PFKFB3: variants seen among roughly 807,000 people sequenced by gnomAD.
PFKFB3 encodes the protein 6-phosphofructo-2-kinase/fructose-2,6-biphosphatase 3.
Under a neutral mutation model 68.0 loss-of-function variants are expected in PFKFB3, and 33 were observed. That is an observed-to-expected ratio of 0.49 (90% confidence interval 0.37 to 0.65). PFKFB3 has a LOEUF of 0.65. Among genes scored for constraint, PFKFB3 ranks in the 30% least tolerant of loss-of-function variants. The probability of loss-of-function intolerance (pLI) is 0.00; values close to 1 mark genes in which losing one functional copy is unlikely to be tolerated. For missense variants in PFKFB3, 586 were observed against 712.2 expected (o/e 0.82, Z 2.02); for synonymous variants, 315 against 288.2 (o/e 1.09, Z -0.94).
chr10:6,155,929 A>AG (rs1343701058), intron 1 of PFKFB3, among the ~76,000 whole-genome samples: 1 of 152,132 alleles, frequency 6.6e-6, no homozygotes, highest in Non-Finnish European at 1.5e-5. Context: ...TTTCTTTCTT[A>AG]AAATGTTTTT....
In PFKFB3 at chr10:6,177,359, T is replaced by TCTTC. The variant is rs1491344766; in HGVS notation, c.16+32349_16+32350insCCTT. Among the ~76,000 whole-genome samples, 6 of 74,088 alleles carry TCTTC rather than the reference T, an allele frequency of 8.1e-5. No individual in the cohort carries two copies. In the South Asian group the frequency reaches 1.7e-3, roughly 21 times the overall value. The allele number at this position is 74,088 out of a possible 152,430, so 48.6% of individuals were successfully genotyped here. A position where few individuals can be genotyped will look rare whatever the true frequency, so the allele number is the denominator to read the frequency against. The stretch of plus-strand genomic sequence containing the variant: ...TGGGATGTTTCTTTTCTTTTCTCTT[T>TCTTC]CTTTCTTTCTTTCTTTCTTTCTTTC... On this transcript the variant is annotated intron_variant, in intron 1 of 14. Transcript: ENST00000379789.
rs529069310 is a variant in PFKFB3 at position 6,182,491 on chromosome 10, G to C, written c.17-31132G>C. Among the ~76,000 whole-genome samples, 40 of 152,324 alleles carry C rather than the reference G, an allele frequency of 2.6e-4. No individual in the cohort carries two copies. In the South Asian group the frequency reaches 8.3e-3, roughly 32 times the overall value. ...CCGAGCTGGCTGGGGAGAATGAGGG[G>C]CCTTTGAAGTCCCAGGCCGATCCCT... On this transcript the variant is annotated intron_variant, in intron 1 of 14. Transcript: ENST00000379789.
upstream of PFKFB3, chr10:6,202,848 A>C (rs112157022): frequency 1.6e-3 from 1,658 of 1,016,360 alleles, 25 homozygotes; most frequent in African/African-American, 0.027. Context: ...CTGGGACCCA[A>C]GGAATGCGGC....
chr10:6,193,517 C>T (rs1207018708), intron 1 of PFKFB3, among the ~76,000 whole-genome samples: 1 of 152,222 alleles, frequency 6.6e-6, no homozygotes, highest in Non-Finnish European at 1.5e-5. Flanking sequence ...ACAGCTGTCC[C>T]TGTTTCTAAG....
At chr10:6,216,303 C>A in intron 4 of PFKFB3, 112 bp downstream of exon 4, 2 of 1,045,754 alleles carry the variant, frequency 1.9e-6, no homozygotes. Flanking sequence ...TGGAGGAAAG[C>A]AGGTGGCCAG....
At chr10:6,160,206 T>C (rs938297342) in intron 1 of PFKFB3, among the ~76,000 whole-genome samples, 3 of 152,324 alleles carry the variant, frequency 2.0e-5, no homozygotes, top group Middle Eastern at 3.4e-3. Flanking sequence ...GATGGGGGAA[T>C]ATACAAATAC....
intron 14 of PFKFB3, among the ~76,000 whole-genome samples, chr10:6,246,805 C>T (rs745818499): frequency 2.6e-5 from 4 of 152,152 alleles, no homozygotes; most frequent in Non-Finnish European, 4.4e-5. Flanking sequence ...CGTGCCTTCT[C>T]CTCTGCTTTT....
intron 1 of PFKFB3, among the ~76,000 whole-genome samples, chr10:6,149,152 G>A (rs1277176877): frequency 6.6e-6 from 1 of 152,202 alleles, no homozygotes; most frequent in Non-Finnish European, 1.5e-5. Flanking sequence ...GGCTCTAAGA[G>A]ACTGTGGTCT....
In PFKFB3 at chr10:6,150,114, T is replaced by A. The variant is rs374351545; in HGVS notation, c.16+5101T>A. Among the ~76,000 whole-genome samples, 67 of 152,316 alleles carry A rather than the reference T, an allele frequency of 4.4e-4. 2 individuals carry two copies. The South Asian group carries it at 0.013, about 31-fold the overall frequency. ...ACCTTTTCCATTGATTCTATGCACATAGCACCTCTTGCAGGCATATCTTGT... is the reference window on the plus strand; with the variant it reads ...ACCTTTTCCATTGATTCTATGCACAAAGCACCTCTTGCAGGCATATCTTGT... On this transcript the variant is annotated intron_variant, in intron 1 of 14. Transcript: ENST00000379789.
At chr10:6,291,301 C>T in the PFKFB3 span, among the ~76,000 whole-genome samples, 5 of 152,282 alleles carry the variant, frequency 3.3e-5, no homozygotes, top group East Asian at 7.7e-4. Flanking sequence ...CGTGGTGGCT[C>T]ATGCCTATAA....
At chr10:6,237,663 T>G (rs1846046928), downstream of PFKFB3, among the ~76,000 whole-genome samples, 1 of 152,116 alleles carries the variant, frequency 6.6e-6, no homozygotes, top group African/African-American at 2.4e-5. Context: ...TCTCCAGGGC[T>G]CAAGTCATCC....
chr10:6,231,544 A>G (rs1022616711), intron 14 of PFKFB3: 2 of 985,092 alleles, frequency 2.0e-6, no homozygotes, highest in African/African-American at 3.5e-5. Flanking sequence ...CAGGCTCTCC[A>G]CTGTTATTGT....
At chr10:6,321,840 A>T in the PFKFB3 span, among the ~76,000 whole-genome samples, 13 of 152,222 alleles carry the variant, frequency 8.5e-5, no homozygotes, top group African/African-American at 2.7e-4. Context: ...GCATCCTAGC[A>T]TCCAAGATGG....
the PFKFB3 span, among the ~76,000 whole-genome samples, chr10:6,303,113 A>G: frequency 6.6e-6 from 1 of 152,118 alleles, no homozygotes; most frequent in Non-Finnish European, 1.5e-5. Flanking sequence ...CTGTTTGTTT[A>G]TTACTTCATT....
chr10:6,321,249 C>T, the PFKFB3 span, among the ~76,000 whole-genome samples: 1 of 152,106 alleles, frequency 6.6e-6, no homozygotes. Flanking sequence ...TTGCAAAACC[C>T]CATGCTCCTT....
chr10:6,292,562 T>G, the PFKFB3 span, among the ~76,000 whole-genome samples: 1 of 151,892 alleles, frequency 6.6e-6, no homozygotes, highest in African/African-American at 2.4e-5. Context: ...GTGCTGGGAT[T>G]ACAGGCGTGA....
upstream of PFKFB3, among the ~76,000 whole-genome samples, chr10:6,198,201 G>C (rs868505120): frequency 2.0e-5 from 3 of 149,962 alleles, no homozygotes; most frequent in Middle Eastern, 6.9e-3. Context: ...AGCCGAGATG[G>C]TACCACTGCA....
In PFKFB3 at chr10:6,215,146, G is replaced by T; in HGVS notation, c.203-75G>T. On this transcript the variant is annotated intron_variant, in intron 2 of 14. Transcript: ENST00000379775. The surrounding 1 kb of genome is among the most constrained non-coding windows in gnomAD (Gnocchi z 4.3). Reference sequence around the variant, plus strand: ...TGGCCTGGTGGCTCTTCCTTTGGTCGATCCTATGGTCCCGGTGTGAGCTGG... The same window carrying T: ...TGGCCTGGTGGCTCTTCCTTTGGTCTATCCTATGGTCCCGGTGTGAGCTGG... 7.7e-7 allele frequency: 1 copy of T among 1,295,524 alleles called. No individual in the cohort carries two copies. Among genetic ancestry groups the T allele is most frequent in the South Asian group, 1.2e-5 (1 of 82,846 alleles). 80.3% of individuals were successfully genotyped at this position (1,295,524 alleles called of 1,614,324 possible). A position where few individuals can be genotyped will look rare whatever the true frequency, so the allele number is the denominator to read the frequency against.
intron 1 of PFKFB3, among the ~76,000 whole-genome samples, chr10:6,158,620 C>G (rs1841877244): frequency 6.6e-6 from 1 of 152,182 alleles, no homozygotes; most frequent in South Asian, 2.1e-4. Flanking sequence ...AATCCTAGCA[C>G]TTTGGGAGGC....
Sources: allele counts gnomAD v4.1 joint callset (sites outside exome capture counted in the v4.1 genomes callset), GRCh38; gene constraint gnomAD v4.1.1; non-coding constraint Gnocchi (gnomAD v3.1); transcripts MANE v1.5; gene names NCBI Gene and HGNC (gene_info 2026-07-23, HGNC 2026-07-21).